AOAH: variants seen among roughly 807,000 people sequenced by gnomAD.
AOAH encodes acyloxyacyl hydrolase (neutrophil).
A neutral mutation model predicts 92.2 loss-of-function variants in AOAH; 64 were observed. That is an observed-to-expected ratio of 0.69 (90% CI 0.57 to 0.86). The LOEUF is 0.86. AOAH is among the 40% of genes least tolerant of loss of function. The probability of loss-of-function intolerance (pLI) is 0.00; values close to 1 mark genes in which losing one functional copy is unlikely to be tolerated. For synonymous variants in AOAH, 263 were observed against 254.5 expected (o/e 1.03, Z -0.32); for missense variants, 656 against 694.6 (o/e 0.94, Z 0.62).
intron 20 of AOAH, chr7:36,514,784 T>TC: frequency 1.9e-6 from 1 of 536,926 alleles, no homozygotes; most frequent in Non-Finnish European, 3.3e-6. Flanking sequence ...CAGCTCACAG[T>TC]CCCCTTCCTA....
chr7:36,637,425 G>A (rs538744248), intron 5 of AOAH, among the ~76,000 whole-genome samples: 1 of 152,170 alleles, frequency 6.6e-6, no homozygotes, highest in Non-Finnish European at 1.5e-5. Flanking sequence ...CCTCCTCCAA[G>A]ACGGTCTACT....
intron 1 of AOAH, among the ~76,000 whole-genome samples, chr7:36,717,961 A>C (rs1018891764): frequency 6.6e-6 from 1 of 151,864 alleles, no homozygotes; most frequent in African/African-American, 2.4e-5. Flanking sequence ...GATACACTGG[A>C]CTCCATCAAA....
chr7:36,580,638 G>T (rs10244761), intron 12 of AOAH, among the ~76,000 whole-genome samples: 53,925 of 152,024 alleles, frequency 0.35, 9,917 homozygotes, highest in Non-Finnish European at 0.41. Context: ...CTTCAGATGT[G>T]TGATGATCCT....
chr7:36,721,396 G>A (rs1474987777), intron 1 of AOAH, among the ~76,000 whole-genome samples: 1 of 152,098 alleles, frequency 6.6e-6, no homozygotes, highest in African/African-American at 2.4e-5. Flanking sequence ...TTTTTGCCAA[G>A]AGCACTTCTC....
At chr7:36,595,835 C>T (rs1399057863) in intron 11 of AOAH, among the ~76,000 whole-genome samples, 4 of 152,178 alleles carry the variant, frequency 2.6e-5, no homozygotes, top group Non-Finnish European at 4.4e-5. Flanking sequence ...ATTGAAAATC[C>T]GTGCTCCCTT....
chr7:36,517,158 C>CTTTCTTTCTTTCT (rs1783775560), intron 20 of AOAH, among the ~76,000 whole-genome samples: 1 of 37,832 alleles, frequency 2.6e-5, no homozygotes, highest in East Asian at 1.5e-3. Context: ...CCATGTTAGT[C>CTTTCTTTCTTTCT]TTTCTTTCTT....
chr7:36,554,579 T>C (rs548153790), intron 13 of AOAH, among the ~76,000 whole-genome samples: 10 of 152,264 alleles, frequency 6.6e-5, no homozygotes, highest in Non-Finnish European at 1.3e-4. Context: ...TTGGGCAGTA[T>C]GGCCATTTTC....
At chr7:36,515,713 A>C in intron 20 of AOAH, among the ~76,000 whole-genome samples, 1 of 98,898 alleles carries the variant, frequency 1.0e-5, no homozygotes, top group South Asian at 3.7e-4. Context: ...ACCCCCCCAC[A>C]CACCACACAC....
At chr7:36,665,650 C>T (rs554801237) in intron 3 of AOAH, among the ~76,000 whole-genome samples, 6 of 152,224 alleles carry the variant, frequency 3.9e-5, no homozygotes, top group Non-Finnish European at 8.8e-5. Context: ...TAGTTCTCAG[C>T]ATGAAGTATG....
chr7:36,585,744 C>A (rs530072505), intron 12 of AOAH, among the ~76,000 whole-genome samples: 1 of 152,242 alleles, frequency 6.6e-6, no homozygotes, highest in East Asian at 1.9e-4. Flanking sequence ...ACAAAGTGTT[C>A]ATTTCTTCAT....
chr7:36,549,453 C>T lies in AOAH; in HGVS notation c.1044G>A (p.Lys348=), dbSNP rs929404239. The change falls in exon 14 of 21, where the codon AAG becomes AAA. Residue 348 remains lysine, a synonymous_variant. Transcript: ENST00000617537. ...CTTCTGCTTACCTTTCTATAAATTT[C>T]TTCAGGTTTCGGGAAGATGCACCTG... ...SRNGASSRNL[K]KFIESLSRNK... The T allele has an allele frequency of 8.1e-6, 13 of 1,597,220 alleles. No individual in the cohort carries two copies. Among genetic ancestry groups the T allele is most frequent in the Middle Eastern group, 1.7e-4 (1 of 6,038 alleles).
chr7:36,522,262 G>A (rs1784144894), intron 19 of AOAH, 147 bp from the exon 20 acceptor site: 7 of 637,430 alleles, frequency 1.1e-5, no homozygotes, highest in Non-Finnish European at 1.9e-5. Context: ...CTTGCACTGG[G>A]GGATTTCTGA....
intron 4 of AOAH, among the ~76,000 whole-genome samples, chr7:36,652,144 A>G (rs1794614169): frequency 6.6e-6 from 1 of 152,134 alleles, no homozygotes; most frequent in Admixed American, 6.5e-5. Context: ...ATATAAGATA[A>G]CAAGATGAGC....
chr7:36,666,854 C>T (rs1795571666), intron 3 of AOAH, among the ~76,000 whole-genome samples: 1 of 151,956 alleles, frequency 6.6e-6, no homozygotes, highest in African/African-American at 2.4e-5. Context: ...GTTTAATCTC[C>T]ATGTATTTTG....
At chr7:36,723,572 A>G (rs1799785041) in intron 1 of AOAH, among the ~76,000 whole-genome samples, 2 of 152,164 alleles carry the variant, frequency 1.3e-5, no homozygotes. Flanking sequence ...CAGTTCACCA[A>G]TAAGGACACA....
intron 4 of AOAH, among the ~76,000 whole-genome samples, chr7:36,655,799 A>G (rs1356071541): frequency 6.6e-6 from 1 of 152,156 alleles, no homozygotes; most frequent in Non-Finnish European, 1.5e-5. Context: ...CTGGGTATAG[A>G]GTGGTGAACA....
At chr7:36,669,366 T>TCC (rs543443995) in intron 3 of AOAH, among the ~76,000 whole-genome samples, 2 of 147,444 alleles carry the variant, frequency 1.4e-5, no homozygotes, top group African/African-American at 5.1e-5. Flanking sequence ...AGAATTATAT[T>TCC]CCCCCCCCAC....
chr7:36,522,252 C>T lies in AOAH; in HGVS notation c.1523-137G>A, dbSNP rs1653538536. On this transcript the variant is annotated intron_variant, in intron 19 of 20. Transcript: ENST00000617537. ...GCCACGGCTGCCTCTGAGCTGCTCT[C>T]TTGCACTGGGGGATTTCTGAACAGA... is the stretch of plus-strand genomic sequence containing the variant. 1.1e-5 allele frequency: 7 copies of T among 661,858 alleles called. No homozygotes were observed. The Admixed American group carries it at 1.3e-4, about 13-fold the overall frequency. The allele number at this position is 661,858 out of a possible 1,614,324, so 41.0% of individuals were successfully genotyped here. A position where few individuals can be genotyped will look rare whatever the true frequency, so the allele number is the denominator to read the frequency against.
intron 3 of AOAH, among the ~76,000 whole-genome samples, chr7:36,672,880 TATA>T (rs200701458): frequency 0.013 from 1,945 of 152,320 alleles, 38 homozygotes; most frequent in African/African-American, 0.044. Flanking sequence ...ATAAAATGTT[TATA>T]ATAACATGTA....
Sources: allele counts gnomAD v4.1 joint callset (sites outside exome capture counted in the v4.1 genomes callset), GRCh38; gene constraint gnomAD v4.1.1; transcripts MANE v1.5; gene names NCBI Gene and HGNC (gene_info 2026-07-23, HGNC 2026-07-21).